SMARCA2: variants seen among roughly 807,000 people sequenced by gnomAD.
SMARCA2 encodes SWI/SNF-related matrix-associated actin-dependent regulator of chromatin subfamily A member 2.
A neutral mutation model predicts 199.8 loss-of-function variants in SMARCA2; 61 were observed. The ratio of observed to expected loss-of-function variants is 0.31; its 90% CI spans 0.25 to 0.38. The LOEUF is 0.38. Among genes scored for constraint, SMARCA2 ranks in the 10% least tolerant of loss-of-function variants. The pLI is 1.00. For missense variants in SMARCA2, 1,344 were observed against 2,012.2 expected, an observed-to-expected ratio of 0.67 and a Z score of 6.35; for synonymous variants, 935 against 732.0, an observed-to-expected ratio of 1.28 and a Z score of -4.48.
At chr9:2,191,533 T>A in intron 33 of SMARCA2, 125 bp downstream of exon 33, 1 of 1,046,000 alleles carries the variant, frequency 9.6e-7, no homozygotes, top group Non-Finnish European at 1.4e-6. Flanking sequence ...CAGGATTTAG[T>A]GAGATTTCAT....
At chr9:2,132,196 T>G (rs758324357) in intron 27 of SMARCA2, among the ~76,000 whole-genome samples, 7 of 152,134 alleles carry the variant, frequency 4.6e-5, no homozygotes, top group Non-Finnish European at 1.0e-4. Context: ...GAACAAGACA[T>G]TTGAAATTCT....
At chr9:2,182,728 C>T (rs571695625) in intron 31 of SMARCA2, among the ~76,000 whole-genome samples, 1 of 151,844 alleles carries the variant, frequency 6.6e-6, no homozygotes, top group East Asian at 1.9e-4. Flanking sequence ...CTCCTGACCT[C>T]AGGTGATCCG....
At chr9:2,072,727 G>A (rs1183595460) in intron 10 of SMARCA2, among the ~76,000 whole-genome samples, 1 of 152,224 alleles carries the variant, frequency 6.6e-6, no homozygotes, top group Non-Finnish European at 1.5e-5. Context: ...GGAATGTATT[G>A]ATAGGATACT....
chr9:2,036,006 C>T (rs187739286), intron 3 of SMARCA2, among the ~76,000 whole-genome samples: 5 of 152,212 alleles, frequency 3.3e-5, no homozygotes, highest in East Asian at 3.9e-4. Flanking sequence ...TGGAAGGCTG[C>T]GAGCTTTTAA....
At chr9:2,157,663 C>A (rs1825435960) in intron 27 of SMARCA2, 1 of 377,954 alleles carries the variant, frequency 2.6e-6, no homozygotes. Flanking sequence ...AAGGACTGTG[C>A]CACATGGCTT....
intron 1 of SMARCA2, chr9:2,027,834 T>G (rs991680275): frequency 2.6e-5 from 4 of 152,206 alleles, no homozygotes; most frequent in Non-Finnish European, 5.9e-5. Context: ...AGCAAAAAGT[T>G]TCTCCATGTA....
At chr9:2,071,897 A>C (rs773808971) in intron 10 of SMARCA2, 1 of 152,214 alleles carries the variant, frequency 6.6e-6, no homozygotes, top group African/African-American at 2.4e-5. Context: ...TCATGTTGGC[A>C]TGCAAAGTAA....
At chr9:2,129,630 C>T (rs1225937409) in intron 27 of SMARCA2, among the ~76,000 whole-genome samples, 1 of 152,168 alleles carries the variant, frequency 6.6e-6, no homozygotes, top group African/African-American at 2.4e-5. Flanking sequence ...TTGTCGGCCA[C>T]ATGCTTGAAC....
intron 19 of SMARCA2, among the ~76,000 whole-genome samples, chr9:2,089,121 T>C (rs1395194200): frequency 6.6e-6 from 1 of 152,180 alleles, no homozygotes; most frequent in East Asian, 1.9e-4. Flanking sequence ...CATCTAATTA[T>C]TCGGGGACAT....
intron 3 of SMARCA2, among the ~76,000 whole-genome samples, chr9:2,033,509 A>G (rs1013076767): frequency 6.6e-6 from 1 of 151,808 alleles, no homozygotes; most frequent in Non-Finnish European, 1.5e-5. Context: ...TGTAGATGTG[A>G]AGGTAAGGTG....
chr9:2,121,250 G>A (rs1347291313), intron 26 of SMARCA2, among the ~76,000 whole-genome samples: 2 of 152,208 alleles, frequency 1.3e-5, no homozygotes, highest in Non-Finnish European at 2.9e-5. Context: ...GAATATCTTG[G>A]AAGGCACAGC....
chr9:2,130,485 A>G (rs1823895089), intron 27 of SMARCA2, among the ~76,000 whole-genome samples: 1 of 152,232 alleles, frequency 6.6e-6, no homozygotes, highest in Non-Finnish European at 1.5e-5. Context: ...GTCTCTGCAT[A>G]CCAACTTTAT....
intron 27 of SMARCA2, among the ~76,000 whole-genome samples, chr9:2,130,730 T>C (rs183024941): frequency 7.9e-5 from 12 of 151,582 alleles, no homozygotes; most frequent in Non-Finnish European, 1.0e-4. Flanking sequence ...TACACACACA[T>C]ATATATATGT....
intron 29 of SMARCA2, among the ~76,000 whole-genome samples, chr9:2,176,202 T>TTTTTTTTTTTTTTTTTTA (rs1421565522): frequency 6.8e-6 from 1 of 147,118 alleles, no homozygotes; most frequent in African/African-American, 2.6e-5. Flanking sequence ...TTTTTTTTTT[T>TTTTTTTTTTTTTTTTTTA]TATAATGACG....
At chr9:2,158,875 A>C (rs1401712508) in intron 27 of SMARCA2, 13 of 1,503,300 alleles carry the variant, frequency 8.6e-6, no homozygotes, top group Non-Finnish European at 1.1e-5. Context: ...ATCACAGAAC[A>C]TAAAGCACTG....
chr9:2,073,121 C>A, intron 10 of SMARCA2, 91 bp from the exon 11 acceptor site: 1 of 1,467,088 alleles, frequency 6.8e-7, no homozygotes, highest in Non-Finnish European at 9.3e-7. Flanking sequence ...GTTTCACATG[C>A]TGGGCAGCAA....
At chr9:2,049,840 A>G (rs1397776882) in intron 5 of SMARCA2, among the ~76,000 whole-genome samples, 1 of 152,218 alleles carries the variant, frequency 6.6e-6, no homozygotes, top group African/African-American at 2.4e-5. Context: ...TTGTGACAGA[A>G]TGGCTTACCA....
chr9:2,160,072 T>C (rs1825583392), intron 27 of SMARCA2: 6 of 833,688 alleles, frequency 7.2e-6, no homozygotes, highest in Non-Finnish European at 1.1e-5. Context: ...TTGCATGCTG[T>C]ATTTATTATT....
chr9:2,087,420 C>T, intron 18 of SMARCA2: 1 of 201,484 alleles, frequency 5.0e-6, no homozygotes, highest in Non-Finnish European at 1.0e-5. Context: ...CCAAATTAAC[C>T]AACTAAATAC....
Sources: gnomAD v4.1 joint callset for allele counts (sites outside exome capture counted in the v4.1 genomes callset) on GRCh38, gnomAD v4.1.1 for gene constraint, MANE v1.5 for transcripts, NCBI Gene and HGNC (gene_info 2026-07-23, HGNC 2026-07-21) for gene names.